The following RPL18 variants were observed in gnomAD, a reference collection of about 807,000 sequenced individuals.
RPL18 encodes large ribosomal subunit protein eL18.
In RPL18, 4 loss-of-function variants were observed where a neutral mutation model predicts 25.0. The ratio of observed to expected loss-of-function variants is 0.16; its 90% CI spans 0.08 to 0.37. RPL18 has a LOEUF of 0.37. Ranked by LOEUF, RPL18 falls within the 10% of genes least tolerant of loss-of-function variation. The pLI, the probability that RPL18 is intolerant of heterozygous loss-of-function variation, is 1.00. For synonymous variants in RPL18, 129 were observed against 101.6 expected (o/e 1.27, Z -1.62); for missense variants, 179 against 267.9 (o/e 0.67, Z 2.32).
rs770830016 is a variant in RPL18 at position 48,615,437 on chromosome 19, G to A, written c.502C>T (p.Arg168Cys). 1.1e-5 allele frequency: 17 copies of A among 1,612,664 alleles called. No individual in the cohort carries two copies. The highest frequency in any genetic ancestry group is 5.5e-5 in the South Asian group (5 of 90,698). ...CGCTCGAACTTCCGGCCCTTGGAGC[G>A]GACGTAGGGTCTGTGGGGAGAGGAG... ...TPHSHTKPYV[R>C]SKGRKFERAR... is the part of the protein sequence containing the mutation. Residue 168 changes from arginine (R) to cysteine (C), a missense_variant, in exon 7 of 7, where the codon CGC (arginine) becomes TGC (cysteine). Transcript: ENST00000549920.
At position 48,616,707 on chromosome 19, in the gene RPL18, C is replaced by T. The variant is rs1490572098; in HGVS notation, c.297+19G>A. ...TACAGCAAGGGTCTGATGGGTCTGCCCAGCCCCCGCCAGCTCACCTTCAGT... is the reference window on the plus strand; with the variant it reads ...TACAGCAAGGGTCTGATGGGTCTGCTCAGCCCCCGCCAGCTCACCTTCAGT... On this transcript the variant is annotated intron_variant, in intron 4 of 6. Coordinates refer to ENST00000549920, the MANE Select transcript of RPL18 (RefSeq NM_000979.4). 4 of 1,554,210 alleles carry T rather than the reference C, an allele frequency of 2.6e-6. No homozygotes were observed. Among genetic ancestry groups the T allele is most frequent in the Non-Finnish European group, 3.5e-6 (4 of 1,126,980 alleles).
intron 1 of RPL18, 59 bp downstream of exon 1, chr19:48,619,082 C>G (rs1974291825): frequency 3.8e-6 from 6 of 1,562,396 alleles, no homozygotes; most frequent in Non-Finnish European, 5.2e-6. Context: ...GCCCCTAGCC[C>G]AAAACCACGG....
intron 2 of RPL18, 61 bp downstream of exon 2, chr19:48,617,730 G>A: frequency 7.6e-7 from 1 of 1,316,604 alleles, no homozygotes; most frequent in Non-Finnish European, 1.1e-6. Context: ...GCACTAGAAT[G>A]GAGGATCTGC....
rs769866975 is a variant in RPL18 at position 48,617,114 on chromosome 19, G to T, written c.198+202C>A. 4 of 710,752 alleles carry T rather than the reference G, an allele frequency of 5.6e-6. No homozygotes were observed. The Admixed American group carries it at 8.0e-5, about 14-fold the overall frequency. 44.0% of individuals were successfully genotyped at this position (710,752 alleles called of 1,614,324 possible). On this transcript the variant is annotated intron_variant, in intron 3 of 6. Coordinates refer to ENST00000549920, the MANE Select transcript of RPL18 (RefSeq NM_000979.4). Reference sequence around the variant, plus strand: ...CCAGGACACCTCCACCTCACAAAGAGAAGGAGAGGAGGACCAGGAGACTTG... The same window carrying T: ...CCAGGACACCTCCACCTCACAAAGATAAGGAGAGGAGGACCAGGAGACTTG...
At position 48,618,770 on chromosome 19, in the gene RPL18, C is replaced by T. The variant is rs1171733062; in HGVS notation, c.3+371G>A. 4.3e-5 allele frequency: 13 copies of T among 300,976 alleles called. No homozygotes were observed. The South Asian group carries it at 4.4e-4, about 10-fold the overall frequency. 18.6% of individuals were successfully genotyped at this position (300,976 alleles called of 1,614,324 possible). A position where few individuals can be genotyped will look rare whatever the true frequency, so the allele number is the denominator to read the frequency against. On this transcript the variant is annotated intron_variant, in intron 1 of 6. Coordinates refer to ENST00000549920, the MANE Select transcript of RPL18 (RefSeq NM_000979.4). ...CGGCTCTCGATCCTCTCACCCGCCG[C>T]GGCCCCCATCGAACCCGACTTTTCA...
intron 1 of RPL18, 188 bp from the exon 2 acceptor site, chr19:48,618,065 C>A (rs1039904350): frequency 1.8e-5 from 10 of 547,246 alleles, no homozygotes; most frequent in Non-Finnish European, 3.3e-5. Context: ...TTTACAAAGC[C>A]TTCAGCCCAT....
At chr19:48,618,941 T>G in intron 1 of RPL18, 200 bp downstream of exon 1, 2 of 595,684 alleles carry the variant, frequency 3.4e-6, no homozygotes, top group Non-Finnish European at 3.0e-6. Context: ...TACCTCCACT[T>G]GGTCATCTAC....
chr19:48,618,276 A>G, intron 1 of RPL18: 1 of 174,432 alleles, frequency 5.7e-6, no homozygotes, highest in South Asian at 1.0e-4. Flanking sequence ...TACTAGAACC[A>G]CCTCTCCTAC....
intron 1 of RPL18, chr19:48,618,835 A>G (rs775476942): frequency 6.6e-5 from 32 of 485,948 alleles, no homozygotes; most frequent in Non-Finnish European, 9.9e-5. Flanking sequence ...CAGCAAAGCC[A>G]AATAACTAAG....
In RPL18 at chr19:48,618,916, A is replaced by C; in HGVS notation, c.3+225T>G. The C allele has an allele frequency of 5.2e-6, 3 of 574,558 alleles. No homozygotes were observed. In the South Asian group the frequency reaches 6.4e-5, roughly 12 times the overall value. The allele number at this position is 574,558 out of a possible 1,614,324, so 35.6% of individuals were successfully genotyped here. A position where few individuals can be genotyped will look rare whatever the true frequency, so the allele number is the denominator to read the frequency against. ...ACTTCCTGGCTTTGTAAACCCAGTCATATCAGCCTCCGAGTACCTCCACTT... is the reference window on the plus strand; with the variant it reads ...ACTTCCTGGCTTTGTAAACCCAGTCCTATCAGCCTCCGAGTACCTCCACTT... On this transcript the variant is annotated intron_variant, in intron 1 of 6. Transcript: ENST00000549920.
At chr19:48,615,586 A>T in intron 6 of RPL18, 139 bp from the exon 7 acceptor site, 1 of 768,734 alleles carries the variant, frequency 1.3e-6, no homozygotes, top group South Asian at 1.7e-5. Context: ...GTGGGAAGCC[A>T]AGGAGCCAGG....
chr19:48,617,245 C>T (rs1325559703), intron 3 of RPL18, 71 bp downstream of exon 3: 1 of 1,205,880 alleles, frequency 8.3e-7, no homozygotes, highest in Non-Finnish European at 1.2e-6. Context: ...GCTCCAAGTC[C>T]TGCCTCCCTT....
At position 48,615,431 on chromosome 19, in the gene RPL18, T is replaced by C; in HGVS notation, c.508A>G (p.Lys170Glu). 1 of 1,613,056 alleles carries C rather than the reference T, an allele frequency of 6.2e-7. No individual in the cohort carries two copies. The highest frequency in any genetic ancestry group is 8.5e-7 in the Non-Finnish European group (1 of 1,179,494). Residue 170 changes from lysine to glutamate, a missense_variant, in exon 7 of 7, where the codon AAG becomes GAG. Physicochemically the swap from Lys to Glu is moderately conservative, Grantham distance 56. Transcript: ENST00000549920. Reference sequence around the variant, plus strand: ...CTGGCACGCTCGAACTTCCGGCCCTTGGAGCGGACGTAGGGTCTGTGGGGA... The same window carrying C: ...CTGGCACGCTCGAACTTCCGGCCCTCGGAGCGGACGTAGGGTCTGTGGGGA... ...HSHTKPYVRS[K>E]GRKFERARGR...
chr19:48,615,981 G>C (rs1974156538), intron 5 of RPL18, 35 bp from the exon 6 acceptor site: 1 of 1,613,760 alleles, frequency 6.2e-7, no homozygotes, highest in Non-Finnish European at 8.5e-7. Context: ...GTGAGACAGG[G>C]ATCTGGCGCC....
At position 48,616,289 on chromosome 19, in the gene RPL18, G is replaced by A. The variant is rs572342438; in HGVS notation, c.298-87C>T. The A allele has an allele frequency of 3.9e-6, 6 of 1,542,248 alleles. No homozygotes were observed. The African/African-American group carries it at 6.8e-5, about 17-fold the overall frequency. On this transcript the variant is annotated intron_variant, in intron 4 of 6. Coordinates refer to ENST00000549920, the MANE Select transcript of RPL18 (RefSeq NM_000979.4). ...ACTCACCCTCCACTGCCTTGGCGCAGCAGAGCCCTGGTAACCAACACTATC... is the reference window on the plus strand; with the variant it reads ...ACTCACCCTCCACTGCCTTGGCGCAACAGAGCCCTGGTAACCAACACTATC...
In RPL18 at chr19:48,616,189, C is replaced by T. The variant is rs759298767; in HGVS notation, c.311G>A (p.Arg104His). Residue 104 changes from arginine to histidine, a missense_variant, in exon 5 of 7, where the codon CGC becomes CAC. By Grantham distance (29) the Arg-to-His change is conservative (BLOSUM62 0). Coordinates refer to ENST00000549920, the MANE Select transcript of RPL18 (RefSeq NM_000979.4). ...EVPKLKVCAL[R>H]VTSRARSRIL... ...GCGGCTGCGGGCCCGGCTGGTCACGCGCAGTGCACATACCTGGTGGAGAGG... is the reference window on the plus strand; with the variant it reads ...GCGGCTGCGGGCCCGGCTGGTCACGTGCAGTGCACATACCTGGTGGAGAGG... 1.4e-5 allele frequency: 23 copies of T among 1,613,706 alleles called. No homozygotes were observed. Among genetic ancestry groups the T allele is most frequent in the African/African-American group, 6.7e-5 (5 of 74,918 alleles).
rs753994101 is a variant in RPL18, at chr19:48,616,119, G to A, written c.381C>T (p.Ala127=). 6.8e-6 allele frequency: 11 copies of A among 1,614,170 alleles called. No homozygotes were observed. Among genetic ancestry groups the A allele is most frequent in the Admixed American group, 3.3e-5 (2 of 60,020 alleles). The change falls in exon 5 of 7, where the codon GCC becomes GCT. Residue 127 remains alanine (A), a synonymous_variant. Coordinates refer to ENST00000549920, the MANE Select transcript of RPL18 (RefSeq NM_000979.4). ...GGKILTFDQL[A]LDSPKGCGTV... ...TGCCACAGCCCTTAGGGGAGTCCAG[G>A]GCCAGCTGGTCGAAAGTGAGGATCT...
At chr19:48,616,677 C>T (rs375892835) in intron 4 of RPL18, 49 bp downstream of exon 4, 26 of 1,232,392 alleles carry the variant, frequency 2.1e-5, no homozygotes, top group Middle Eastern at 1.9e-4. Flanking sequence ...CACAGCACAG[C>T]ACAGTACAGC....
At chr19:48,615,791 G>C in intron 6 of RPL18, 86 bp downstream of exon 6, 1 of 1,217,650 alleles carries the variant, frequency 8.2e-7, no homozygotes, top group African/African-American at 1.5e-5. Context: ...TGGTACGAGG[G>C]ATAGGAGAAG....
Sources: allele counts gnomAD v4.1 joint callset, GRCh38; gene constraint gnomAD v4.1.1; transcripts MANE v1.5; gene names NCBI Gene and HGNC (gene_info 2026-07-23, HGNC 2026-07-21).